The following DGKB variants were observed in gnomAD, a reference collection of about 807,000 sequenced individuals.
DGKB encodes the protein 90 kDa diacylglycerol kinase.
A neutral mutation model predicts 114.3 loss-of-function variants in DGKB; 67 were observed. The observed-to-expected ratio is 0.59, with a 90% CI of 0.48 to 0.72. The LOEUF (loss-of-function observed/expected upper bound fraction) is 0.72. Among genes scored for constraint, DGKB ranks in the 30% least tolerant of loss-of-function variants. DGKB has a pLI of 0.00. For missense variants in DGKB, 907 were observed against 975.2 expected (o/e 0.93, Z 0.93); for synonymous variants, 398 against 323.1 (o/e 1.23, Z -2.49).
intron 23 of DGKB, among the ~76,000 whole-genome samples, chr7:14,330,350 T>A (rs1221091001): frequency 6.6e-6 from 1 of 152,008 alleles, no homozygotes; most frequent in Non-Finnish European, 1.5e-5. Context: ...GAGTTGCTCA[T>A]TATTCTGCCA....
chr7:14,444,674 C>T (rs1442377528), intron 21 of DGKB, among the ~76,000 whole-genome samples: 2 of 151,786 alleles, frequency 1.3e-5, no homozygotes, highest in African/African-American at 4.8e-5. Context: ...ACATTTTTAT[C>T]CTCAAAGGAG....
chr7:14,424,463 A>C (rs1040650214), intron 21 of DGKB, among the ~76,000 whole-genome samples: 3 of 151,742 alleles, frequency 2.0e-5, no homozygotes, highest in African/African-American at 7.3e-5. Flanking sequence ...TGACCACCCT[A>C]TATAAAAGAG....
chr7:14,321,889 A>G (rs1194078173), intron 23 of DGKB, among the ~76,000 whole-genome samples: 1 of 152,204 alleles, frequency 6.6e-6, no homozygotes, highest in East Asian at 1.9e-4. Context: ...AATGAAAAAA[A>G]TGGAAAGCTA....
intron 21 of DGKB, among the ~76,000 whole-genome samples, chr7:14,396,207 T>C (rs892236852): frequency 2.0e-5 from 3 of 152,062 alleles, no homozygotes; most frequent in African/African-American, 7.2e-5. Flanking sequence ...CTGAAAAATT[T>C]CACATTTTTT....
At chr7:14,461,101 T>C (rs1833007710) in intron 21 of DGKB, among the ~76,000 whole-genome samples, 1 of 152,106 alleles carries the variant, frequency 6.6e-6, no homozygotes, top group Admixed American at 6.6e-5. Context: ...AGCTAAAGCA[T>C]TGTTTACAGG....
intron 13 of DGKB, among the ~76,000 whole-genome samples, chr7:14,648,290 G>A (rs966037057): frequency 3.9e-5 from 6 of 152,178 alleles, no homozygotes; most frequent in East Asian, 1.9e-4. Flanking sequence ...GCATGCAGCT[G>A]GAGATCTGAG....
chr7:14,278,298 C>G (rs1357700571), intron 23 of DGKB, among the ~76,000 whole-genome samples: 2 of 152,140 alleles, frequency 1.3e-5, no homozygotes, highest in East Asian at 1.9e-4. Flanking sequence ...AACAGGCATA[C>G]AGACCAATGG....
chr7:14,397,871 C>T (rs1056379274), intron 21 of DGKB, among the ~76,000 whole-genome samples: 15 of 152,046 alleles, frequency 9.9e-5, no homozygotes, highest in African/African-American at 3.1e-4. Flanking sequence ...TAATTGTTCC[C>T]GGGTGCTCAA....
intron 2 of DGKB, among the ~76,000 whole-genome samples, chr7:14,785,175 G>A (rs555490801): frequency 8.5e-4 from 128 of 151,328 alleles, no homozygotes; most frequent in Non-Finnish European, 1.2e-3. Context: ...TCAAAGTCTC[G>A]GAAAAAATAT....
intron 21 of DGKB, among the ~76,000 whole-genome samples, chr7:14,429,738 T>A (rs1038454365): frequency 6.6e-6 from 1 of 152,094 alleles, no homozygotes; most frequent in Non-Finnish European, 1.5e-5. Context: ...CTGGCCAACA[T>A]GGCAAAACCC....
At chr7:14,643,736 C>A (rs1235879305) in intron 13 of DGKB, among the ~76,000 whole-genome samples, 1 of 152,186 alleles carries the variant, frequency 6.6e-6, no homozygotes, top group East Asian at 1.9e-4. Context: ...CTCTCCCCCT[C>A]TAGCAGTGGG....
chr7:14,814,165 T>C (rs926422111), intron 2 of DGKB: 2 of 152,196 alleles, frequency 1.3e-5, no homozygotes, highest in Non-Finnish European at 2.9e-5. Flanking sequence ...CCCAATTCTA[T>C]TTAATGGGAT....
chr7:14,484,423 G>A (rs1783458597), intron 20 of DGKB, among the ~76,000 whole-genome samples: 1 of 152,300 alleles, frequency 6.6e-6, no homozygotes, highest in African/African-American at 2.4e-5. Flanking sequence ...TTTCTTATGA[G>A]TGCTTCAGCA....
intron 5 of DGKB, among the ~76,000 whole-genome samples, chr7:14,728,667 G>A (rs1179534677): frequency 1.3e-5 from 2 of 149,878 alleles, no homozygotes; most frequent in Non-Finnish European, 2.9e-5. Context: ...CACATTCCCA[G>A]TCATCTTCAG....
At chr7:14,410,766 T>C (rs1824737356) in intron 21 of DGKB, among the ~76,000 whole-genome samples, 1 of 149,180 alleles carries the variant, frequency 6.7e-6, no homozygotes, top group African/African-American at 2.5e-5. Context: ...GAGGAATCAA[T>C]GATATTTTAA....
chr7:14,634,969 G>C (rs1293670531), intron 13 of DGKB, among the ~76,000 whole-genome samples: 2 of 151,386 alleles, frequency 1.3e-5, no homozygotes, highest in Non-Finnish European at 3.0e-5. Flanking sequence ...GATTATTTCA[G>C]TCATAATACA....
rs1330661836 is a variant in DGKB, at chr7:14,176,820, T to C, written c.2304+19A>G. ...GCAAAACTGAGATTGACATAGCATA[T>C]CAACTACTCTGTACTCACTGTGCAT... On this transcript the variant is annotated intron_variant, in intron 25 of 25. Transcript: ENST00000402815. 1 of 1,606,080 alleles carries C rather than the reference T, an allele frequency of 6.2e-7. No homozygotes were observed. The highest frequency in any genetic ancestry group is 1.3e-5 in the African/African-American group (1 of 74,742).
chr7:14,535,931 G>A (rs1021512511), intron 20 of DGKB, among the ~76,000 whole-genome samples: 4 of 151,628 alleles, frequency 2.6e-5, no homozygotes, highest in East Asian at 1.9e-4. Flanking sequence ...ATCGATAGAC[G>A]TACTAAGAAA....
At chr7:14,600,995 C>T (rs1285464278) in intron 17 of DGKB, among the ~76,000 whole-genome samples, 1 of 152,164 alleles carries the variant, frequency 6.6e-6, no homozygotes, top group Admixed American at 6.5e-5. Context: ...TCTGCAGGGG[C>T]CTGAACCATG....
Sources: gnomAD v4.1 joint callset for allele counts (sites outside exome capture counted in the v4.1 genomes callset) on GRCh38, gnomAD v4.1.1 for gene constraint, MANE v1.5 for transcripts, NCBI Gene and HGNC (gene_info 2026-07-23, HGNC 2026-07-21) for gene names.